ASNS: variants seen among roughly 807,000 people sequenced by gnomAD.
ASNS encodes asparagine synthetase [glutamine-hydrolyzing].
A neutral mutation model predicts 62.6 loss-of-function variants in ASNS; 37 were observed. The ratio of observed to expected loss-of-function variants is 0.59; its 90% CI spans 0.45 to 0.78. The LOEUF (loss-of-function observed/expected upper bound fraction) is 0.78. ASNS is among the 30% of genes least tolerant of loss of function. The pLI is 0.00. For missense variants in ASNS, 520 were observed against 682.4 expected (o/e 0.76, Z 2.65); for synonymous variants, 207 against 237.9 (o/e 0.87, Z 1.19).
chr7:97,872,238 G>A (rs1584481129), intron 1 of ASNS, 113 bp downstream of exon 1: 1 of 151,916 alleles, frequency 6.6e-6, no homozygotes, highest in East Asian at 1.9e-4. Flanking sequence ...CGCGTCTGCC[G>A]GGTGCCAGGC....
intron 2 of ASNS, 34 bp from the exon 3 acceptor site, chr7:97,869,213 T>C: frequency 6.3e-7 from 1 of 1,593,664 alleles, no homozygotes. Context: ...TCAAAAATAT[T>C]CAATATCCAA....
the ASNS span, among the ~76,000 whole-genome samples, chr7:97,889,530 A>T: frequency 1.6e-4 from 24 of 152,222 alleles, no homozygotes; most frequent in Middle Eastern, 3.4e-3. Context: ...ACCACAAAAA[A>T]AAACACTGCA....
At chr7:97,863,045 TA>T (rs1791798363) in intron 4 of ASNS, 1 of 152,162 alleles carries the variant, frequency 6.6e-6, no homozygotes, top group Admixed American at 6.5e-5. Flanking sequence ...CTGGAGTGAA[TA>T]AAAAATGATG....
Position 97,869,412 on chromosome 7 carries a change from T to G in ASNS, c.-23-233A>C, listed in dbSNP as rs139247675. Among the ~76,000 whole-genome samples, 152 of 152,292 alleles carry G rather than the reference T, an allele frequency of 1.0e-3. 1 individual carries two copies. The East Asian group carries it at 0.022, about 22-fold the overall frequency. On this transcript the variant is annotated intron_variant, in intron 2 of 12. Coordinates refer to ENST00000394308, the MANE Select transcript of ASNS (RefSeq NM_001673.5). ...CTACATTCAACCGGCTACAGCAGCT[T>G]AGCACCTAGCCAAAGCCTGCATCTC... is the stretch of plus-strand genomic sequence containing the variant.
At chr7:97,880,692 T>C in the ASNS span, among the ~76,000 whole-genome samples, 1 of 151,858 alleles carries the variant, frequency 6.6e-6, no homozygotes, top group African/African-American at 2.4e-5. Flanking sequence ...ATTGTAAAAA[T>C]TACCCCCCAA....
At chr7:97,912,591 T>A in the ASNS span, among the ~76,000 whole-genome samples, 2 of 79,376 alleles carry the variant, frequency 2.5e-5, no homozygotes, top group South Asian at 4.9e-4. Flanking sequence ...TTTTTTTTTT[T>A]TTCTGTTTTC....
chr7:97,861,478 G>A (rs533449544), intron 4 of ASNS, among the ~76,000 whole-genome samples: 10 of 152,246 alleles, frequency 6.6e-5, no homozygotes, highest in African/African-American at 2.4e-4. Flanking sequence ...GATCATATAT[G>A]TATGGGTTCA....
chr7:97,910,143 C>A, the ASNS span, among the ~76,000 whole-genome samples: 1 of 152,170 alleles, frequency 6.6e-6, no homozygotes, highest in African/African-American at 2.4e-5. Flanking sequence ...AGAGCCAGAG[C>A]CAGAGCCAGG....
At chr7:97,852,985 A>G (rs1791255549) in intron 12 of ASNS, 75 bp downstream of exon 12, 2 of 1,393,156 alleles carry the variant, frequency 1.4e-6, no homozygotes, top group East Asian at 4.7e-5. Flanking sequence ...TTCAAACTAA[A>G]TACAAAATGA....
the ASNS span, among the ~76,000 whole-genome samples, chr7:97,901,118 C>T: frequency 1.3e-5 from 2 of 152,274 alleles, no homozygotes; most frequent in African/African-American, 4.8e-5. Context: ...AGGATGAGGC[C>T]GATCAAGGTG....
At chr7:97,892,199 C>T in the ASNS span, among the ~76,000 whole-genome samples, 1 of 152,338 alleles carries the variant, frequency 6.6e-6, no homozygotes, top group Admixed American at 6.5e-5. Flanking sequence ...CCATAGCCCA[C>T]GTTGTACCTT....
At chr7:97,874,160 G>A (rs1792387542), upstream of ASNS, among the ~76,000 whole-genome samples, 1 of 152,042 alleles carries the variant, frequency 6.6e-6, no homozygotes, top group Non-Finnish European at 1.5e-5. Flanking sequence ...CCCTAGGTGC[G>A]CATTCTCTTT....
chr7:97,894,923 G>C, the ASNS span, among the ~76,000 whole-genome samples: 15 of 152,264 alleles, frequency 9.9e-5, no homozygotes, highest in African/African-American at 4.8e-5. Flanking sequence ...AACAAAAGGA[G>C]AAAACTACAG....
upstream of ASNS, among the ~76,000 whole-genome samples, chr7:97,875,295 A>T (rs1322610337): frequency 6.6e-6 from 1 of 152,154 alleles, no homozygotes; most frequent in African/African-American, 2.4e-5. Context: ...CCATGCCACC[A>T]CTGTCTGGCT....
At chr7:97,928,193 C>T in the ASNS span, 134 of 1,528,170 alleles carry the variant, frequency 8.8e-5, no homozygotes, top group African/African-American at 1.6e-3. Flanking sequence ...CCAGCAAGAG[C>T]CGCAGCCTCT....
At chr7:97,915,685 AG>A in the ASNS span, among the ~76,000 whole-genome samples, 1 of 152,114 alleles carries the variant, frequency 6.6e-6, no homozygotes, top group African/African-American at 2.4e-5. Flanking sequence ...GACCGTGACC[AG>A]GTGAAGAGGC....
intron 9 of ASNS, 169 bp from the exon 10 acceptor site, chr7:97,854,849 TC>T: frequency 8.3e-7 from 1 of 1,202,228 alleles, no homozygotes; most frequent in Admixed American, 2.3e-5. Context: ...ATGCCTTCCT[TC>T]CTACCAAACT....
chr7:97,895,499 T>G, the ASNS span, among the ~76,000 whole-genome samples: 1 of 152,176 alleles, frequency 6.6e-6, no homozygotes, highest in Non-Finnish European at 1.5e-5. Flanking sequence ...CAAAAAACTC[T>G]TAAAATAAAT....
the ASNS span, among the ~76,000 whole-genome samples, chr7:97,910,153 G>C: frequency 6.6e-6 from 1 of 152,050 alleles, no homozygotes; most frequent in African/African-American, 2.4e-5. Context: ...CCAGAGCCAG[G>C]CTGGCTGCAT....
Sources: allele counts gnomAD v4.1 joint callset (sites outside exome capture counted in the v4.1 genomes callset), GRCh38; gene constraint gnomAD v4.1.1; transcripts MANE v1.5; gene names NCBI Gene and HGNC (gene_info 2026-07-23, HGNC 2026-07-21).